The following FANCC variants were observed in gnomAD, a reference collection of about 807,000 sequenced individuals.
The protein encoded by FANCC is FA complementation group C, also known as Fanconi anemia group C protein.
FANCC carries 55 observed loss-of-function variants against 71.3 expected under a neutral mutation model. The observed-to-expected ratio is 0.77, with a 90% CI of 0.62 to 0.97. The LOEUF (loss-of-function observed/expected upper bound fraction) is 0.97, where lower values mean the gene tolerates loss of function less well. Among genes scored for constraint, FANCC ranks in the 50% least tolerant of loss-of-function variants. The pLI is 0.00. For synonymous variants in FANCC, 275 were observed against 244.9 expected (o/e 1.12, Z -1.15); for missense variants, 678 against 670.9 (o/e 1.01, Z -0.12).
intron 4 of FANCC, among the ~76,000 whole-genome samples, chr9:95,196,183 T>A (rs1827443106): frequency 2.0e-5 from 3 of 152,198 alleles, no homozygotes; most frequent in South Asian, 4.1e-4. Context: ...TTTCTGGTCT[T>A]GGGGGGAAGT....
chr9:95,126,274 CTG>C (rs1825963276), intron 9 of FANCC, among the ~76,000 whole-genome samples: 1 of 152,142 alleles, frequency 6.6e-6, no homozygotes, highest in African/African-American at 2.4e-5. Context: ...TAACTCAATT[CTG>C]TGTTTCTATT....
At chr9:95,117,800 C>T (rs540906318) in intron 10 of FANCC, among the ~76,000 whole-genome samples, 10 of 150,320 alleles carry the variant, frequency 6.7e-5, no homozygotes, top group Non-Finnish European at 1.0e-4. Context: ...CTCAGCTCAC[C>T]GCAACCTCTG....
At chr9:95,313,906 C>T (rs907623966) in intron 1 of FANCC, among the ~76,000 whole-genome samples, 1 of 152,126 alleles carries the variant, frequency 6.6e-6, no homozygotes, top group African/African-American at 2.4e-5. Context: ...GAATTCTCAA[C>T]AATCTAGTAA....
At chr9:95,279,947 CAAAAAAAA>C (rs71498957) in intron 1 of FANCC, among the ~76,000 whole-genome samples, 7 of 64,768 alleles carry the variant, frequency 1.1e-4, no homozygotes, top group African/African-American at 3.0e-4. Flanking sequence ...GACTCTGTCT[CAAAAAAAA>C]AAAAAAAAAA....
At chr9:95,252,955 G>A (rs1323343488) in intron 1 of FANCC, among the ~76,000 whole-genome samples, 1 of 151,544 alleles carries the variant, frequency 6.6e-6, no homozygotes, top group African/African-American at 2.4e-5. Context: ...CTACTCTAGA[G>A]GCTGAAGCAG....
chr9:95,303,715 A>C (rs1400546101), intron 1 of FANCC, among the ~76,000 whole-genome samples: 1 of 152,144 alleles, frequency 6.6e-6, no homozygotes, highest in Non-Finnish European at 1.5e-5. Context: ...ATCCTACCAG[A>C]TTAGGACCCC....
At chr9:95,251,502 G>A (rs1054690809) in intron 1 of FANCC, among the ~76,000 whole-genome samples, 4 of 151,992 alleles carry the variant, frequency 2.6e-5, no homozygotes, top group African/African-American at 9.7e-5. Context: ...TTTTAGTAGA[G>A]ACGGGGTCTC....
chr9:95,118,887 A>G (rs2072647444), intron 10 of FANCC, among the ~76,000 whole-genome samples: 2 of 152,150 alleles, frequency 1.3e-5, no homozygotes, highest in African/African-American at 2.4e-5. Context: ...ATGCATACAT[A>G]TGTCTTTTCA....
intron 1 of FANCC, among the ~76,000 whole-genome samples, chr9:95,276,900 CT>C (rs1833072805): frequency 6.6e-6 from 1 of 152,204 alleles, no homozygotes; most frequent in Admixed American, 6.5e-5. Flanking sequence ...ACTTTGCTCG[CT>C]TTTACTACTA....
chr9:95,172,054 GATA>G lies in FANCC; in HGVS notation c.436_438del (p.Tyr146del), dbSNP rs761347179. 8 of 1,606,374 alleles carry G rather than the reference GATA, an allele frequency of 5.0e-6. No individual in the cohort carries two copies. The East Asian group carries it at 1.6e-4, about 31-fold the overall frequency. On this transcript the variant is annotated inframe_deletion, in exon 5 of 15. Transcript: ENST00000289081. Reference sequence around the variant, plus strand: ...ATACTCACATTTTTAAGCAAACCAGGATAGTAATCTATAGGTGCATACCCAAGA... The same window carrying G: ...ATACTCACATTTTTAAGCAAACCAGGGTAATCTATAGGTGCATACCCAAGA...
chr9:95,102,315 C>T (rs2071125412), intron 14 of FANCC, among the ~76,000 whole-genome samples: 1 of 152,210 alleles, frequency 6.6e-6, no homozygotes, highest in South Asian at 2.1e-4. Flanking sequence ...CCTGGGCTAG[C>T]AACCGGACCT....
In FANCC at chr9:95,170,390, G is replaced by A. The variant is rs370738907; in HGVS notation, c.521+689C>T. Among the ~76,000 whole-genome samples, 174 of 139,506 alleles carry A rather than the reference G, an allele frequency of 1.2e-3. 2 individuals are homozygous for A. The highest frequency in any genetic ancestry group is 4.3e-3 in the African/African-American group (169 of 39,042). 91.5% of individuals were successfully genotyped at this position (139,506 alleles called of 152,430 possible). A position where few individuals can be genotyped will look rare whatever the true frequency, so the allele number is the denominator to read the frequency against. Reference sequence around the variant, plus strand: ...TCTGATAGAGCTTGAATTAGCAATAGCTTTACAAAAAAAAAAAAAAATCAC... The same window carrying A: ...TCTGATAGAGCTTGAATTAGCAATAACTTTACAAAAAAAAAAAAAAATCAC... On this transcript the variant is annotated intron_variant, in intron 6 of 14. Transcript: ENST00000289081.
intron 1 of FANCC, among the ~76,000 whole-genome samples, chr9:95,304,179 C>T (rs1459531122): frequency 6.6e-6 from 1 of 152,210 alleles, no homozygotes; most frequent in Non-Finnish European, 1.5e-5. Flanking sequence ...ATCTCCCACA[C>T]ATTCTGCTTT....
At chr9:95,195,196 CAAAAAA>C (rs34771312) in intron 4 of FANCC, among the ~76,000 whole-genome samples, 1 of 42,616 alleles carries the variant, frequency 2.3e-5, no homozygotes, top group African/African-American at 7.5e-5. Flanking sequence ...GACTCCGTCT[CAAAAAA>C]AAAAAAAAAA....
At chr9:95,109,012 C>T (rs977670291) in intron 13 of FANCC, among the ~76,000 whole-genome samples, 1 of 152,004 alleles carries the variant, frequency 6.6e-6, no homozygotes, top group African/African-American at 2.4e-5. Context: ...CTCAAGCGAT[C>T]CTTCCATCTA....
In FANCC at chr9:95,149,996, TGAG is replaced by T; in HGVS notation, c.610_612del (p.Leu204del). 1 of 1,613,874 alleles carries T rather than the reference TGAG, an allele frequency of 6.2e-7. No individual in the cohort carries two copies. The highest frequency in any genetic ancestry group is 8.5e-7 in the Non-Finnish European group (1 of 1,179,956). On this transcript the variant is annotated inframe_deletion, in exon 7 of 15. Transcript: ENST00000289081. ...TCCTGAGGTTCACGTCCATGACAGATGAGGAGAGCCTCCACCAGGGGGTCAACA... is the reference window on the plus strand; with the variant it reads ...TCCTGAGGTTCACGTCCATGACAGATGAGAGCCTCCACCAGGGGGTCAACA...
intron 14 of FANCC, among the ~76,000 whole-genome samples, chr9:95,104,991 T>C (rs1425383296): frequency 6.6e-6 from 1 of 152,206 alleles, no homozygotes; most frequent in African/African-American, 2.4e-5. Flanking sequence ...GCCCTCTAGG[T>C]TGGGCCGCAT....
At chr9:95,161,091 C>A (rs1430455517) in intron 6 of FANCC, among the ~76,000 whole-genome samples, 1 of 152,060 alleles carries the variant, frequency 6.6e-6, no homozygotes, top group Non-Finnish European at 1.5e-5. Context: ...AATACCACAG[C>A]CCTAAAAGCT....
intron 4 of FANCC, among the ~76,000 whole-genome samples, chr9:95,185,905 A>G (rs1826678449): frequency 1.3e-5 from 2 of 152,240 alleles, no homozygotes; most frequent in South Asian, 2.1e-4. Flanking sequence ...GAGATGTATA[A>G]AAGTATTGCT....
Sources: gnomAD v4.1 joint callset for allele counts (sites outside exome capture counted in the v4.1 genomes callset) on GRCh38, gnomAD v4.1.1 for gene constraint, MANE v1.5 for transcripts, NCBI Gene and HGNC (gene_info 2026-07-23, HGNC 2026-07-21) for gene names.